Variants in PIK3R4 observed in about 807,000 individuals in gnomAD.
The protein encoded by PIK3R4 is phosphoinositide-3-kinase regulatory subunit 4.
Under a neutral mutation model 136.5 loss-of-function variants are expected in PIK3R4, and 46 were observed. The ratio of observed to expected loss-of-function variants is 0.34; its 90% CI spans 0.27 to 0.43. The LOEUF (loss-of-function observed/expected upper bound fraction) is 0.43. Ranked by LOEUF, PIK3R4 falls within the 20% of genes least tolerant of loss-of-function variation. The pLI is 1.00. For synonymous variants in PIK3R4, 557 were observed against 566.7 expected (o/e 0.98, Z 0.24); for missense variants, 1,331 against 1,649.5 (o/e 0.81, Z 3.35).
intron 16 of PIK3R4, among the ~76,000 whole-genome samples, chr3:130,683,174 G>T (rs2066469314): frequency 6.6e-6 from 1 of 152,208 alleles, no homozygotes; most frequent in Non-Finnish European, 1.5e-5. Flanking sequence ...CATAGGAAGA[G>T]CAGGGTAGGA....
chr3:130,707,157 A>C, intron 10 of PIK3R4, 22 bp from the exon 11 acceptor site: 1 of 1,560,324 alleles, frequency 6.4e-7, no homozygotes, highest in Non-Finnish European at 8.7e-7. Flanking sequence ...TATTCAGAAT[A>C]GTTAGTCTGA....
chr3:130,727,424 C>T (rs543127990), intron 6 of PIK3R4, among the ~76,000 whole-genome samples: 3 of 152,194 alleles, frequency 2.0e-5, no homozygotes, highest in African/African-American at 7.2e-5. Flanking sequence ...GGGGTTTCAC[C>T]GTGTTAGCCA....
chr3:130,700,152 T>G (rs1358042359), intron 13 of PIK3R4, among the ~76,000 whole-genome samples: 1 of 152,210 alleles, frequency 6.6e-6, no homozygotes, highest in African/African-American at 2.4e-5. Flanking sequence ...TTCCAAAAAT[T>G]TAACTTCCTA....
chr3:130,733,373 C>T (rs1559830216), intron 4 of PIK3R4, among the ~76,000 whole-genome samples, 175 bp downstream of exon 4: 1 of 152,192 alleles, frequency 6.6e-6, no homozygotes, highest in Non-Finnish European at 1.5e-5. Flanking sequence ...AGAGAACACA[C>T]AAACGTTGAT....
intron 13 of PIK3R4, among the ~76,000 whole-genome samples, chr3:130,698,389 T>C (rs2066558253): frequency 1.3e-5 from 2 of 152,216 alleles, no homozygotes; most frequent in South Asian, 4.1e-4. Flanking sequence ...TTCATTTTTC[T>C]TTATTCTTTT....
chr3:130,706,619 A>G (rs2107608338), intron 11 of PIK3R4, among the ~76,000 whole-genome samples: 1 of 152,336 alleles, frequency 6.6e-6, no homozygotes, highest in East Asian at 1.9e-4. Context: ...AGATATGGCT[A>G]TGTTATACTG....
At position 130,733,740 on chromosome 3, in the gene PIK3R4, G is replaced by C; in HGVS notation, c.1258C>G (p.Pro420Ala). 1 of 1,614,160 alleles carries C rather than the reference G, an allele frequency of 6.2e-7. No homozygotes were observed. Among genetic ancestry groups the C allele is most frequent in the Non-Finnish European group, 8.5e-7 (1 of 1,180,000 alleles). ...SVEILLDRIT[P>A]YLLHFSNDSV... is the part of the protein sequence containing the mutation. The stretch of plus-strand genomic sequence containing the variant: ...TCATTGCTGAAATGCAAAAGATATG[G>C]AGTAATACGATCCAAAAGGATTTCA... Residue 420 changes from proline (P) to alanine (A), a missense_variant, in exon 4 of 20, where the codon CCA becomes GCA. Physicochemically the swap from Pro to Ala is conservative, Grantham distance 27. Transcript: ENST00000356763.
At chr3:130,711,700 A>G (rs904301144) in intron 9 of PIK3R4, among the ~76,000 whole-genome samples, 3 of 152,216 alleles carry the variant, frequency 2.0e-5, no homozygotes, top group Non-Finnish European at 4.4e-5. Flanking sequence ...TATCTTAACA[A>G]AGCTTAAAAG....
chr3:130,723,775 G>A (rs941762325), intron 6 of PIK3R4, 188 bp from the exon 7 acceptor site: 38 of 476,074 alleles, frequency 8.0e-5, no homozygotes, highest in East Asian at 4.8e-4. Context: ...GGAAATTCTC[G>A]GACACCACAG....
chr3:130,704,505 G>C (rs1377787285), intron 12 of PIK3R4, among the ~76,000 whole-genome samples: 1 of 152,126 alleles, frequency 6.6e-6, no homozygotes, highest in Non-Finnish European at 1.5e-5. Flanking sequence ...GTCCACATCA[G>C]TAGCCCATAG....
chr3:130,736,115 G>A (rs1232343882), intron 2 of PIK3R4, 113 bp from the exon 3 acceptor site: 6 of 704,378 alleles, frequency 8.5e-6, no homozygotes, highest in Non-Finnish European at 1.3e-5. Flanking sequence ...CAAAGTAAAT[G>A]AAATTAAAAA....
chr3:130,691,818 T>C (rs2066520785), intron 13 of PIK3R4, among the ~76,000 whole-genome samples: 1 of 151,972 alleles, frequency 6.6e-6, no homozygotes, highest in Non-Finnish European at 1.5e-5. Context: ...ACTTGTTTTT[T>C]TTAAAAAAAT....
chr3:130,681,192 G>A (rs1329735470), intron 17 of PIK3R4, 127 bp from the exon 18 acceptor site: 18 of 700,174 alleles, frequency 2.6e-5, no homozygotes, highest in Non-Finnish European at 3.9e-5. Context: ...AGAAATGAGA[G>A]ACCAGTTATG....
chr3:130,728,940 G>A (rs1049693150), intron 5 of PIK3R4, among the ~76,000 whole-genome samples: 1 of 152,090 alleles, frequency 6.6e-6, no homozygotes, highest in Non-Finnish European at 1.5e-5. Flanking sequence ...TAATCAAATA[G>A]TTTCATTTAT....
In PIK3R4 at chr3:130,707,149, T is replaced by C; in HGVS notation, c.2534-14A>G. 6.3e-7 allele frequency: 1 copy of C among 1,576,234 alleles called. No homozygotes were observed. The highest frequency in any genetic ancestry group is 2.3e-5 in the East Asian group (1 of 44,186). On this transcript the variant is annotated splice_polypyrimidine_tract_variant and intron_variant, in intron 10 of 19. Transcript: ENST00000356763. Reference sequence around the variant, plus strand: ...CATGTTTTCTGGCTATGAAAATATATTCAGAATAGTTAGTCTGAAGGTAGC... The same window carrying C: ...CATGTTTTCTGGCTATGAAAATATACTCAGAATAGTTAGTCTGAAGGTAGC...
At chr3:130,697,495 T>C (rs1438639712) in intron 13 of PIK3R4, among the ~76,000 whole-genome samples, 2 of 152,242 alleles carry the variant, frequency 1.3e-5, no homozygotes, top group Non-Finnish European at 2.9e-5. Context: ...TCATGTTTTT[T>C]CACCCCTTCT....
intron 9 of PIK3R4, among the ~76,000 whole-genome samples, chr3:130,713,157 G>A (rs2066642011): frequency 6.6e-6 from 1 of 152,210 alleles, no homozygotes; most frequent in Admixed American, 6.5e-5. Flanking sequence ...CAAAAAACCG[G>A]AAGCTGGTGT....
intron 5 of PIK3R4, 86 bp downstream of exon 5, chr3:130,730,222 A>G (rs756007193): frequency 7.1e-6 from 8 of 1,129,396 alleles, no homozygotes; most frequent in South Asian, 2.8e-5. Flanking sequence ...TTCACCTTAC[A>G]TGAAAACTAC....
chr3:130,745,189 G>C lies in PIK3R4; in HGVS notation c.30C>G (p.Pro10=), dbSNP rs747691009. MGNQLAGIA[P]SQILSVESYF... ...AACTCTCTACAGAAAGGATCTGGGA[G>C]GGAGCAATGCCAGCAAGCTGATTTC... is the stretch of plus-strand genomic sequence containing the variant. The change falls in exon 2 of 20, where the codon CCC becomes CCG. Residue 10 remains proline, a synonymous_variant. Coordinates refer to ENST00000356763, the MANE Select transcript of PIK3R4 (RefSeq NM_014602.3). 1.9e-6 allele frequency: 3 copies of C among 1,606,314 alleles called. No individual in the cohort carries two copies. The South Asian group carries it at 3.3e-5, about 18-fold the overall frequency.
Sources: gnomAD v4.1 joint callset for allele counts (sites outside exome capture counted in the v4.1 genomes callset) on GRCh38, gnomAD v4.1.1 for gene constraint, MANE v1.5 for transcripts, NCBI Gene and HGNC (gene_info 2026-07-23, HGNC 2026-07-21) for gene names.